GRID2: variants seen among roughly 807,000 people sequenced by gnomAD.
GRID2 encodes the protein glutamate ionotropic receptor delta type subunit 2, also known as glutamate receptor ionotropic, delta-2.
Under a neutral mutation model 114.8 loss-of-function variants are expected in GRID2, and 33 were observed. The observed-to-expected ratio is 0.29, with a 90% CI of 0.22 to 0.38. The LOEUF (loss-of-function observed/expected upper bound fraction) is 0.38. GRID2 is among the 10% of genes least tolerant of loss of function. The pLI, the probability that GRID2 is intolerant of heterozygous loss-of-function variation, is 1.00. For missense variants in GRID2, 1,184 were observed against 1,257.7 expected (o/e 0.94, Z 0.89); for synonymous variants, 505 against 449.9 (o/e 1.12, Z -1.55).
intron 8 of GRID2, among the ~76,000 whole-genome samples, chr4:93,287,505 C>A (rs998683610): frequency 2.6e-5 from 4 of 152,134 alleles, no homozygotes; most frequent in African/African-American, 9.7e-5. Context: ...AGTAGTGCTA[C>A]AGCCACTGAG....
At chr4:92,985,553 A>C (rs941877341) in intron 2 of GRID2, among the ~76,000 whole-genome samples, 1 of 152,060 alleles carries the variant, frequency 6.6e-6, no homozygotes, top group African/African-American at 2.4e-5. Context: ...AATATTTTTT[A>C]TATGGTCTCC....
At chr4:92,423,243 T>TA (rs915021545) in intron 1 of GRID2, among the ~76,000 whole-genome samples, 1 of 152,168 alleles carries the variant, frequency 6.6e-6, no homozygotes, top group African/African-American at 2.4e-5. Flanking sequence ...AGACCATTGT[T>TA]AAAAAAGCAA....
intron 2 of GRID2, among the ~76,000 whole-genome samples, chr4:92,861,682 T>C (rs1178693565): frequency 1.3e-5 from 2 of 152,022 alleles, no homozygotes; most frequent in Non-Finnish European, 2.9e-5. Context: ...TTCCCTGGAC[T>C]ACACAAAATA....
At chr4:92,370,956 C>T (rs762193080) in intron 1 of GRID2, among the ~76,000 whole-genome samples, 62 of 152,102 alleles carry the variant, frequency 4.1e-4, no homozygotes, top group Non-Finnish European at 6.0e-4. Context: ...ATGATAAGAA[C>T]ACAAAACAGC....
In GRID2 at chr4:92,994,214, T is replaced by G. The variant is rs1184456245; in HGVS notation, c.245-90781T>G. ...AAACATAGCAATGAGGCCCAAAAGA[T>G]GTAGGGCTACATAAATAGATTTAAA... is the stretch of plus-strand genomic sequence containing the variant. On this transcript the variant is annotated intron_variant, in intron 2 of 15. Coordinates refer to ENST00000282020, the MANE Select transcript of GRID2 (RefSeq NM_001510.4). Among the ~76,000 whole-genome samples the G allele has an allele frequency of 2.6e-5, 4 of 152,220 alleles. No homozygotes were observed. In the East Asian group the frequency reaches 7.7e-4, roughly 29 times the overall value.
chr4:93,108,309 G>A (rs922785442), intron 3 of GRID2, among the ~76,000 whole-genome samples: 1 of 152,112 alleles, frequency 6.6e-6, no homozygotes, highest in Non-Finnish European at 1.5e-5. Context: ...GTTTGAATGG[G>A]TATTCATTGA....
chr4:92,428,855 A>G (rs1386500345), intron 1 of GRID2, among the ~76,000 whole-genome samples: 1 of 152,110 alleles, frequency 6.6e-6, no homozygotes, highest in African/African-American at 2.4e-5. Context: ...ATTTATATAC[A>G]TGTTCCACAA....
chr4:92,785,260 T>C (rs1739263699), intron 2 of GRID2, among the ~76,000 whole-genome samples: 1 of 151,488 alleles, frequency 6.6e-6, no homozygotes. Flanking sequence ...GCAATATTAA[T>C]TACCATCAAC....
intron 4 of GRID2, among the ~76,000 whole-genome samples, chr4:93,167,449 C>A (rs1392186027): frequency 6.6e-6 from 1 of 152,200 alleles, no homozygotes; most frequent in Non-Finnish European, 1.5e-5. Flanking sequence ...TTCTCTATAT[C>A]GTTTTTAAAA....
chr4:93,796,110 G>A (rs1486332291), intron 1 of GRID2, among the ~76,000 whole-genome samples: 1 of 152,084 alleles, frequency 6.6e-6, no homozygotes, highest in Non-Finnish European at 1.5e-5. Context: ...TCCCCAGGTG[G>A]CCATTTCCAG....
chr4:93,242,759 C>T (rs1747691372), intron 8 of GRID2, among the ~76,000 whole-genome samples: 1 of 151,916 alleles, frequency 6.6e-6, no homozygotes, highest in Admixed American at 6.6e-5. Flanking sequence ...GTTCTAGGCA[C>T]TCATCAAGGG....
At chr4:92,991,808 AAGTT>A (rs1203658865) in intron 2 of GRID2, among the ~76,000 whole-genome samples, 9 of 152,212 alleles carry the variant, frequency 5.9e-5, no homozygotes, top group African/African-American at 9.6e-5. Flanking sequence ...AAATACACAA[AAGTT>A]AGGAATTAAA....
At chr4:92,790,744 GT>G (rs1374909024) in intron 2 of GRID2, among the ~76,000 whole-genome samples, 1 of 149,988 alleles carries the variant, frequency 6.7e-6, no homozygotes, top group Admixed American at 6.7e-5. Flanking sequence ...AAAAAAAAGT[GT>G]TTTTAAAATA....
At chr4:92,888,011 A>C (rs1746494244) in intron 2 of GRID2, among the ~76,000 whole-genome samples, 1 of 152,184 alleles carries the variant, frequency 6.6e-6, no homozygotes, top group Non-Finnish European at 1.5e-5. Flanking sequence ...ATATATGTTA[A>C]CTGAATTAAT....
At chr4:92,682,699 C>T (rs1733708471) in intron 2 of GRID2, among the ~76,000 whole-genome samples, 1 of 151,750 alleles carries the variant, frequency 6.6e-6, no homozygotes, top group African/African-American at 2.4e-5. Context: ...CACACACACA[C>T]ACACACACAC....
At chr4:92,360,087 A>C (rs1217616512) in intron 1 of GRID2, among the ~76,000 whole-genome samples, 1 of 152,054 alleles carries the variant, frequency 6.6e-6, no homozygotes, top group Non-Finnish European at 1.5e-5. Context: ...ATTTGAAGAC[A>C]GGAAGGGAGA....
chr4:93,143,472 A>C (rs1735937969), intron 4 of GRID2, among the ~76,000 whole-genome samples: 2 of 152,220 alleles, frequency 1.3e-5, no homozygotes, highest in Non-Finnish European at 2.9e-5. Flanking sequence ...ATACATATTC[A>C]ATAAAATTGT....
At chr4:92,539,836 C>T (rs1725837094) in intron 1 of GRID2, among the ~76,000 whole-genome samples, 1 of 152,000 alleles carries the variant, frequency 6.6e-6, no homozygotes, top group Non-Finnish European at 1.5e-5. Context: ...ACTGAAATGT[C>T]CTGGACTGTT....
chr4:93,098,506 AGAG>A (rs1731422846), intron 3 of GRID2, among the ~76,000 whole-genome samples: 1 of 152,042 alleles, frequency 6.6e-6, no homozygotes. Context: ...GAAAGTTATA[AGAG>A]GAGGTGCTCG....
Sources: allele counts gnomAD v4.1 joint callset (sites outside exome capture counted in the v4.1 genomes callset), GRCh38; gene constraint gnomAD v4.1.1; transcripts MANE v1.5; gene names NCBI Gene and HGNC (gene_info 2026-07-23, HGNC 2026-07-21).